The following HS3ST3B1 variants were observed in gnomAD, a reference collection of about 807,000 sequenced individuals.
The protein encoded by HS3ST3B1 is heparan sulfate glucosamine 3-O-sulfotransferase 3B1.
HS3ST3B1 carries 13 observed loss-of-function variants against 21.3 expected under a neutral mutation model. That is an observed-to-expected ratio of 0.61 (90% CI 0.40 to 0.97). The LOEUF (loss-of-function observed/expected upper bound fraction) is 0.97. Ranked by LOEUF, HS3ST3B1 falls within the 50% of genes least tolerant of loss-of-function variation. The pLI, the probability that HS3ST3B1 is intolerant of heterozygous loss-of-function variation, is 0.00. For synonymous variants in HS3ST3B1, 234 were observed against 254.8 expected (o/e 0.92, Z 0.78); for missense variants, 459 against 554.8 (o/e 0.83, Z 1.73).
At chr17:14,312,626 G>A (rs1051012954) in intron 1 of HS3ST3B1, among the ~76,000 whole-genome samples, 2 of 151,854 alleles carry the variant, frequency 1.3e-5, no homozygotes, top group African/African-American at 2.4e-5. Flanking sequence ...TGTAGCCCTT[G>A]CCCCAACATC....
intron 1 of HS3ST3B1, among the ~76,000 whole-genome samples, chr17:14,313,484 G>A (rs1266714759): frequency 2.0e-5 from 3 of 152,196 alleles, no homozygotes; most frequent in African/African-American, 7.2e-5. Context: ...ACCTCAGAGA[G>A]ATGGCAGCCT....
intron 1 of HS3ST3B1, among the ~76,000 whole-genome samples, chr17:14,317,547 A>T (rs2323175): frequency 0.64 from 97,081 of 152,086 alleles, 31,113 homozygotes; most frequent in East Asian, 0.77. Context: ...CCAGCTGGGC[A>T]CTGAAGCACG....
In HS3ST3B1 at chr17:14,348,158, A is replaced by G. The variant is rs1022523766; in HGVS notation, c.*2512A>G. 3.3e-5 allele frequency: 5 copies of G among 152,204 alleles called. No individual in the cohort carries two copies. Among genetic ancestry groups the G allele is most frequent in the African/African-American group, 9.6e-5 (4 of 41,466 alleles). 9.4% of individuals were successfully genotyped at this position (152,204 alleles called of 1,614,324 possible). On this transcript the variant is annotated 3_prime_UTR_variant, in exon 2 of 2. Transcript: ENST00000360954. ...GCAACAAAGCCATAGGAAAACACAC[A>G]GGAGCTTTTCCCTCCCCTTCAGGTC...
At position 14,301,513 on chromosome 17, in the gene HS3ST3B1, C is replaced by T; in HGVS notation, c.-6C>T. 6.6e-7 allele frequency: 1 copy of T among 1,518,488 alleles called. No homozygotes were observed. The highest frequency in any genetic ancestry group is 8.7e-7 in the Non-Finnish European group (1 of 1,143,204). The allele number at this position is 1,518,488 out of a possible 1,614,324, so 94.1% of individuals were successfully genotyped here. ...CCATGTCCCTGGCCGCGCCCGCGGGCAGCGCATGGGGCAGCGCCTGAGTGG... is the reference window on the plus strand; with the variant it reads ...CCATGTCCCTGGCCGCGCCCGCGGGTAGCGCATGGGGCAGCGCCTGAGTGG... On this transcript the variant is annotated 5_prime_UTR_variant, in exon 1 of 2. Coordinates refer to ENST00000360954, the MANE Select transcript of HS3ST3B1 (RefSeq NM_006041.3).
chr17:14,309,555 C>A (rs1050550045), intron 1 of HS3ST3B1, among the ~76,000 whole-genome samples: 163 of 151,984 alleles, frequency 1.1e-3, no homozygotes, highest in African/African-American at 3.5e-3. Flanking sequence ...GCTGAGCGGG[C>A]GCGCCCCGCC....
Position 14,320,391 on chromosome 17 carries a change from G to A in HS3ST3B1, c.554+18319G>A, listed in dbSNP as rs565368799. ...AGATCATGGCAGAAGGAATGCATGT[G>A]AAAAGGCAAGGAGGTTCCTAGGAAA... is the stretch of plus-strand genomic sequence containing the variant. On this transcript the variant is annotated intron_variant, in intron 1 of 1. Coordinates refer to ENST00000360954, the MANE Select transcript of HS3ST3B1 (RefSeq NM_006041.3). 5.3e-5 allele frequency among the ~76,000 whole-genome samples: 8 copies of A among 152,198 alleles called. No individual in the cohort carries two copies. The East Asian group carries it at 1.5e-3, about 29-fold the overall frequency.
In HS3ST3B1 at chr17:14,345,662, G is replaced by A; in HGVS notation, c.*16G>A. 6.2e-7 allele frequency: 1 copy of A among 1,608,472 alleles called. No homozygotes were observed. The highest frequency in any genetic ancestry group is 1.1e-5 in the South Asian group (1 of 90,860). Reference sequence around the variant, plus strand: ...CTGGGATTGAGCAGACCCGGGCTATGTACCTTACCCACGTGGCTTATCTAT... The same window carrying A: ...CTGGGATTGAGCAGACCCGGGCTATATACCTTACCCACGTGGCTTATCTAT... On this transcript the variant is annotated 3_prime_UTR_variant, in exon 2 of 2. Transcript: ENST00000360954.
chr17:14,314,238 C>T (rs1214478790), intron 1 of HS3ST3B1, among the ~76,000 whole-genome samples: 3 of 152,180 alleles, frequency 2.0e-5, no homozygotes, highest in Non-Finnish European at 2.9e-5. Context: ...CTCGGCCTCC[C>T]GAAATGCTGG....
chr17:14,343,250 A>AAAAG (rs1910445940), intron 1 of HS3ST3B1, among the ~76,000 whole-genome samples: 1 of 152,016 alleles, frequency 6.6e-6, no homozygotes, highest in African/African-American at 2.4e-5. Flanking sequence ...TCAAAAAAAA[A>AAAAG]AAAAGAAAAG....
intron 1 of HS3ST3B1, among the ~76,000 whole-genome samples, chr17:14,321,531 C>T (rs529162416): frequency 3.1e-4 from 47 of 152,190 alleles, no homozygotes; most frequent in Admixed American, 1.3e-3. Flanking sequence ...TGGGTCGGTT[C>T]GTGAGCTCAC....
intron 1 of HS3ST3B1, among the ~76,000 whole-genome samples, chr17:14,309,714 A>C (rs1246564878): frequency 6.6e-6 from 1 of 151,832 alleles, no homozygotes; most frequent in Non-Finnish European, 1.5e-5. Context: ...TCCTGTCTGC[A>C]CCCTCCTGCA....
At chr17:14,302,454 TG>T (rs913092783) in intron 1 of HS3ST3B1, among the ~76,000 whole-genome samples, 7 of 152,042 alleles carry the variant, frequency 4.6e-5, no homozygotes, top group African/African-American at 1.7e-4. Flanking sequence ...CCCGAGACGC[TG>T]GGAATGTTCT....
rs1909599444 is a variant in HS3ST3B1 at position 14,319,723 on chromosome 17, GTTT to G, written c.554+17653_554+17655del. Among the ~76,000 whole-genome samples, 3 of 152,150 alleles carry G rather than the reference GTTT, an allele frequency of 2.0e-5. No homozygotes were observed. In the South Asian group the frequency reaches 6.2e-4, roughly 32 times the overall value. ...GTCACCAAGAGTGAGGGGGTAGACG[GTTT>G]TGTGGGAGAGGATGATGGGAGAAAA... is the stretch of plus-strand genomic sequence containing the variant. On this transcript the variant is annotated intron_variant, in intron 1 of 1. Transcript: ENST00000360954.
chr17:14,339,161 C>T (rs1456360291), intron 1 of HS3ST3B1, among the ~76,000 whole-genome samples: 3 of 152,018 alleles, frequency 2.0e-5, no homozygotes, highest in Non-Finnish European at 2.9e-5. Context: ...TTCCTGCCCA[C>T]GTGGTAAAGA....
In HS3ST3B1 at chr17:14,348,282, G is replaced by T. The variant is rs1910632393; in HGVS notation, c.*2636G>T. 6.6e-6 allele frequency: 1 copy of T among 152,190 alleles called. No homozygotes were observed. Among genetic ancestry groups the T allele is most frequent in the South Asian group, 2.1e-4 (1 of 4,832 alleles). The allele number at this position is 152,190 out of a possible 1,614,324, so 9.4% of individuals were successfully genotyped here. ...TTTCTGGTAGAAGGAGGGTCATTTA[G>T]TCACGAACACTGAAGTGGGTCAAAA... On this transcript the variant is annotated 3_prime_UTR_variant, in exon 2 of 2. Transcript: ENST00000360954.
At chr17:14,309,542 C>A (rs1909240857) in intron 1 of HS3ST3B1, among the ~76,000 whole-genome samples, 1 of 151,836 alleles carries the variant, frequency 6.6e-6, no homozygotes, top group South Asian at 2.1e-4. Context: ...CCCAGAGAGG[C>A]GGGCTGAGCG....
At position 14,345,059 on chromosome 17, in the gene HS3ST3B1, A is replaced by T. The variant is rs62056073; in HGVS notation, c.586A>T (p.Ile196Phe). The T allele has an allele frequency of 1.3e-6, 2 of 1,587,140 alleles. No homozygotes were observed. Among genetic ancestry groups the T allele is most frequent in the South Asian group, 2.3e-5 (2 of 86,480 alleles). Residue 196 changes from isoleucine to phenylalanine, a missense_variant, in exon 2 of 2, where the codon ATC becomes TTC. This residue lies in a region of HS3ST3B1 where 15 missense variants were observed against 66.3 expected (regional missense o/e 0.23). Transcript: ENST00000360954. Reference protein sequence around the residue: ...DLMPRTLDGQITMEKTPSYFV... With the variant: ...DLMPRTLDGQFTMEKTPSYFV... ...GATGCCCAGAACCCTGGACGGGCAG[A>T]TCACCATGGAGAAGACGCCCAGTTA...
At position 14,346,656 on chromosome 17, in the gene HS3ST3B1, G is replaced by C. The variant is rs1910591551; in HGVS notation, c.*1010G>C. 6.6e-6 allele frequency: 1 copy of C among 152,276 alleles called. No individual in the cohort carries two copies. The highest frequency in any genetic ancestry group is 2.4e-5 in the African/African-American group (1 of 41,460). The allele number at this position is 152,276 out of a possible 1,614,324, so 9.4% of individuals were successfully genotyped here. On this transcript the variant is annotated 3_prime_UTR_variant, in exon 2 of 2. Transcript: ENST00000360954. ...GCCCCATTCCCTGGTTCATTAACCAGTTTGAAGTGTATGTAGATTGTTGCC... is the reference window on the plus strand; with the variant it reads ...GCCCCATTCCCTGGTTCATTAACCACTTTGAAGTGTATGTAGATTGTTGCC...
intron 1 of HS3ST3B1, among the ~76,000 whole-genome samples, chr17:14,320,279 C>G (rs12150152): frequency 0.35 from 52,968 of 152,022 alleles, 11,102 homozygotes; most frequent in Non-Finnish European, 0.47. Context: ...TGGGGCGCTG[C>G]ACTGGGAAGG....
Sources: gnomAD v4.1 joint callset for allele counts (sites outside exome capture counted in the v4.1 genomes callset) on GRCh38, gnomAD v4.1.1 for gene constraint, gnomAD v4.1.1 regional missense constraint, MANE v1.5 for transcripts, NCBI Gene and HGNC (gene_info 2026-07-23, HGNC 2026-07-21) for gene names.